The following LMNA variants were observed in gnomAD, a reference collection of about 807,000 sequenced individuals.
The protein encoded by LMNA is lamin.
LMNA carries 20 observed loss-of-function variants against 70.4 expected under a neutral mutation model. The ratio of observed to expected loss-of-function variants is 0.28; its 90% confidence interval spans 0.20 to 0.41. LMNA has a LOEUF of 0.41. LMNA is among the 10% of genes least tolerant of loss of function. The pLI is 1.00. For synonymous variants in LMNA, 339 were observed against 372.8 expected, an observed-to-expected ratio of 0.91 and a Z score of 1.04; for missense variants, 652 against 917.2, an observed-to-expected ratio of 0.71 and a Z score of 3.73.
chr1:156,137,289 T>G lies in LMNA; in HGVS notation c.1608+57T>G. 6.5e-7 allele frequency: 1 copy of G among 1,537,150 alleles called. No individual in the cohort carries two copies. The highest frequency in any genetic ancestry group is 1.2e-5 in the South Asian group (1 of 83,902). On this transcript the variant is annotated intron_variant, in intron 9 of 11. Coordinates refer to ENST00000368300, the MANE Select transcript of LMNA (RefSeq NM_170707.4). The surrounding 1 kb of genome is among the most constrained non-coding windows in gnomAD (Gnocchi z 4.6). ...ACGAGGCTCCCCCTGATGGCCAACA[T>G]CGGAGCCAGCTGCCCCCAACCCAAG... is the stretch of plus-strand genomic sequence containing the variant.
chr1:156,132,180 T>A (rs1226742820), intron 2 of LMNA, among the ~76,000 whole-genome samples: 1 of 150,750 alleles, frequency 6.6e-6, no homozygotes, highest in East Asian at 2.0e-4. Flanking sequence ...TCAAAAAAAA[T>A]AAAAAATAGC....
Position 156,137,332 on chromosome 1 carries a change from C to G in LMNA, c.1608+100C>G. ...AACCCAAGTTTGCCAATTCAGGGCC[C>G]CTTTCTAGAGCTCTCTGTTGCAGGC... On this transcript the variant is annotated intron_variant, in intron 9 of 11. Transcript: ENST00000368300. The surrounding 1 kb of genome is among the most constrained non-coding windows in gnomAD (Gnocchi z 4.6). 6.9e-7 allele frequency: 1 copy of G among 1,456,056 alleles called. No homozygotes were observed. The highest frequency in any genetic ancestry group is 9.3e-7 in the Non-Finnish European group (1 of 1,075,488). 90.2% of individuals were successfully genotyped at this position (1,456,056 alleles called of 1,614,324 possible).
In LMNA at chr1:156,138,416, C is replaced by G. The variant is rs1010792518; in HGVS notation, c.1699-72C>G. 1 of 1,538,422 alleles carries G rather than the reference C, an allele frequency of 6.5e-7. No individual in the cohort carries two copies. The highest frequency in any genetic ancestry group is 8.8e-7 in the Non-Finnish European group (1 of 1,132,652). On this transcript the variant is annotated intron_variant, in intron 10 of 11. Coordinates refer to ENST00000368300, the MANE Select transcript of LMNA (RefSeq NM_170707.4). This position sits in a 1 kb window ranked among gnomAD's most constrained non-coding sequence, Gnocchi z 5.5. ...CTGGCGGCTGGGAGCCTGCAGGAGC[C>G]TGGAGCCTGGTTGGGCCTGAGTGGT...
chr1:156,098,620 T>G (rs2102796770), intron 3 of LMNA, among the ~76,000 whole-genome samples: 1 of 152,278 alleles, frequency 6.6e-6, no homozygotes, highest in African/African-American at 2.4e-5. Context: ...GACAAATCAC[T>G]TACCTTTTCT....
chr1:156,139,876 G>T lies in LMNA; in HGVS notation c.*770G>T. ...GGGTGGGCTCTGTGCAGTCACTGGAGGTTGAAGCCAAGTGGGGTGCTGGGA... is the reference window on the plus strand; with the variant it reads ...GGGTGGGCTCTGTGCAGTCACTGGATGTTGAAGCCAAGTGGGGTGCTGGGA... On this transcript the variant is annotated 3_prime_UTR_variant, in exon 12 of 12. Transcript: ENST00000368300. 1 of 1,464,170 alleles carries T rather than the reference G, an allele frequency of 6.8e-7. No homozygotes were observed. The allele number at this position is 1,464,170 out of a possible 1,614,324, so 90.7% of individuals were successfully genotyped here. A position where few individuals can be genotyped will look rare whatever the true frequency, so the allele number is the denominator to read the frequency against.
intron 1 of LMNA, among the ~76,000 whole-genome samples, chr1:156,116,633 C>T (rs1428964223): frequency 5.3e-5 from 8 of 152,138 alleles, no homozygotes; most frequent in Non-Finnish European, 1.0e-4. Context: ...GGCACAATCT[C>T]GGCTCACTGC....
Position 156,122,769 on chromosome 1 carries a change from G to C in LMNA, c.356+7495G>C, listed in dbSNP as rs527310111. 3.3e-5 allele frequency among the ~76,000 whole-genome samples: 5 copies of C among 152,306 alleles called. No individual in the cohort carries two copies. In the East Asian group the frequency reaches 9.6e-4, roughly 29 times the overall value. On this transcript the variant is annotated intron_variant, in intron 1 of 11. Transcript: ENST00000368300. ...GGCCAGGATTAGAGAACAGTGCCTGGAACCGGGGGGAGGGGCACGGTGACC... is the reference window on the plus strand; with the variant it reads ...GGCCAGGATTAGAGAACAGTGCCTGCAACCGGGGGGAGGGGCACGGTGACC...
intron 2 of LMNA, among the ~76,000 whole-genome samples, chr1:156,086,620 C>G (rs1648488803): frequency 6.6e-6 from 1 of 152,182 alleles, no homozygotes; most frequent in Non-Finnish European, 1.5e-5. Flanking sequence ...TTGTCTGTGT[C>G]TGGAGTTGTA....
Position 156,135,532 on chromosome 1 carries a change from T to A in LMNA, c.936+220T>A. The A allele has an allele frequency of 1.5e-6, 1 of 647,552 alleles. No homozygotes were observed. Among genetic ancestry groups the A allele is most frequent in the Non-Finnish European group, 2.7e-6 (1 of 375,822 alleles). The allele number at this position is 647,552 out of a possible 1,614,324, so 40.1% of individuals were successfully genotyped here. A position where few individuals can be genotyped will look rare whatever the true frequency, so the allele number is the denominator to read the frequency against. On this transcript the variant is annotated intron_variant, in intron 5 of 11. Transcript: ENST00000368300. This position sits in a 1 kb window ranked among gnomAD's most constrained non-coding sequence, Gnocchi z 4.8. ...TACCTCACCTTCACTTCTCAGGGCTTTGGTTTTCCCATTCGAAAATGGAGG... is the reference window on the plus strand; with the variant it reads ...TACCTCACCTTCACTTCTCAGGGCTATGGTTTTCCCATTCGAAAATGGAGG...
In LMNA at chr1:156,138,906, G is replaced by A; in HGVS notation, c.1968+149G>A. 7.6e-7 allele frequency: 1 copy of A among 1,319,564 alleles called. No individual in the cohort carries two copies. Among genetic ancestry groups the A allele is most frequent in the Non-Finnish European group, 1.1e-6 (1 of 929,798 alleles). 81.7% of individuals were successfully genotyped at this position (1,319,564 alleles called of 1,614,324 possible). A position where few individuals can be genotyped will look rare whatever the true frequency, so the allele number is the denominator to read the frequency against. Reference sequence around the variant, plus strand: ...CCTCCTCCCCACAGCCTGAGTCCTAGACAGCCCACCTCTGCATCCTGCCCC... The same window carrying A: ...CCTCCTCCCCACAGCCTGAGTCCTAAACAGCCCACCTCTGCATCCTGCCCC... On this transcript the variant is annotated intron_variant, in intron 11 of 11. Transcript: ENST00000368300. The surrounding 1 kb of genome is among the most constrained non-coding windows in gnomAD (Gnocchi z 5.5).
rs1438119482 is a variant in LMNA, at chr1:156,116,303, G to T, written c.356+1029G>T. On this transcript the variant is annotated intron_variant, in intron 1 of 11. Transcript: ENST00000368300. ...CATTTTTGAAATCCAGCCGTTGGAA[G>T]ATTCAGGCCACTCCCACTTTACCCA... Among the ~76,000 whole-genome samples the T allele has an allele frequency of 3.9e-5, 6 of 152,140 alleles. No homozygotes were observed. In the East Asian group the frequency reaches 1.2e-3, roughly 29 times the overall value.
Position 156,136,312 on chromosome 1 carries a change from G to C in LMNA, c.1256G>C (p.Arg419Pro), listed in dbSNP as rs777648901. 6.2e-7 allele frequency: 1 copy of C among 1,612,068 alleles called. No individual in the cohort carries two copies. Among genetic ancestry groups the C allele is most frequent in the Non-Finnish European group, 8.5e-7 (1 of 1,180,032 alleles). Residue 419 changes from arginine (R) to proline (P), a missense_variant, in exon 7 of 12, where the codon CGC becomes CCC. Physicochemically the swap from Arg to Pro is moderately radical, Grantham distance 103. This residue lies in a region of LMNA where 327 missense variants were observed against 387.6 expected (regional missense o/e 0.84). Coordinates refer to ENST00000368300, the MANE Select transcript of LMNA (RefSeq NM_170707.4). The surrounding 1 kb of genome is among the most constrained non-coding windows in gnomAD (Gnocchi z 6.1). ...TQGGGSVTKK[R>P]KLESTESRSS... is the part of the protein sequence containing the mutation. ...GGTGGGGGCAGCGTCACCAAAAAGC[G>C]CAAACTGGAGTCCACTGAGAGCCGC...
At chr1:156,110,994 C>T (rs1396168301), upstream of LMNA, among the ~76,000 whole-genome samples, 3 of 151,774 alleles carry the variant, frequency 2.0e-5, no homozygotes, top group Non-Finnish European at 2.9e-5. Context: ...TTAGAAACAC[C>T]GAGTGCCTGC....
Position 156,135,535 on chromosome 1 carries a change from G to A in LMNA, c.936+223G>A. ...CTCACCTTCACTTCTCAGGGCTTTG[G>A]TTTTCCCATTCGAAAATGGAGGCTG... On this transcript the variant is annotated intron_variant, in intron 5 of 11. Transcript: ENST00000368300. The surrounding 1 kb of genome is among the most constrained non-coding windows in gnomAD (Gnocchi z 4.8). 1.6e-6 allele frequency: 1 copy of A among 644,838 alleles called. No individual in the cohort carries two copies. The highest frequency in any genetic ancestry group is 2.7e-5 in the Admixed American group (1 of 36,656). 39.9% of individuals were successfully genotyped at this position (644,838 alleles called of 1,614,324 possible).
At chr1:156,131,270 C>CA (rs1169299851) in intron 2 of LMNA, among the ~76,000 whole-genome samples, 12 of 148,760 alleles carry the variant, frequency 8.1e-5, no homozygotes, top group African/African-American at 2.8e-4. Context: ...GACTCCGTCT[C>CA]AAAAAAATAA....
rs267607576 is a variant in LMNA, at chr1:156,136,219, G to A, written c.1163G>A (p.Arg388His). ...KLLEGEEERL[R>H]LSPSPTSQRS... ...CTTGGTCTCCCTCTCCCCAGGCTAC[G>A]CCTGTCCCCCAGCCCTACCTCGCAG... Residue 388 changes from arginine to histidine, a missense_variant, in exon 7 of 12, where the codon CGC becomes CAC. By Grantham distance (29) the Arg-to-His change is conservative. Around this residue, in one of 4 missense-constraint regions of LMNA, gnomAD observed 33 missense variants for 75.3 expected, o/e 0.44. Coordinates refer to ENST00000368300, the MANE Select transcript of LMNA (RefSeq NM_170707.4). This position sits in a 1 kb window ranked among gnomAD's most constrained non-coding sequence, Gnocchi z 6.1. 6 of 1,612,540 alleles carry A rather than the reference G, an allele frequency of 3.7e-6. No individual in the cohort carries two copies. The highest frequency in any genetic ancestry group is 2.2e-5 in the South Asian group (2 of 91,084).
At chr1:156,089,391 G>A (rs539008027) in intron 2 of LMNA, among the ~76,000 whole-genome samples, 1 of 151,816 alleles carries the variant, frequency 6.6e-6, no homozygotes, top group South Asian at 2.1e-4. Context: ...TGACTCCTGG[G>A]TTCAAGCGAT....
chr1:156,120,676 G>A (rs924546044), intron 1 of LMNA, among the ~76,000 whole-genome samples: 2 of 152,174 alleles, frequency 1.3e-5, no homozygotes, highest in Non-Finnish European at 2.9e-5. Context: ...CTGCACTACT[G>A]CACTCTAGCC....
chr1:156,123,630 T>C (rs554331437), intron 1 of LMNA, among the ~76,000 whole-genome samples: 4 of 152,214 alleles, frequency 2.6e-5, no homozygotes, highest in African/African-American at 9.6e-5. Flanking sequence ...CACTACTTCT[T>C]TTGCTCTATC....
Sources: gnomAD v4.1 joint callset for allele counts (sites outside exome capture counted in the v4.1 genomes callset) on GRCh38, gnomAD v4.1.1 for gene constraint, gnomAD v4.1.1 regional missense constraint, Gnocchi (gnomAD v3.1) non-coding constraint, MANE v1.5 for transcripts, NCBI Gene and HGNC (gene_info 2026-07-23, HGNC 2026-07-21) for gene names.